Variants in EIF3E observed in about 807,000 individuals in gnomAD.
EIF3E encodes the protein eIF-3 p48.
Under a neutral mutation model 59.3 loss-of-function variants are expected in EIF3E, and 25 were observed. That is an observed-to-expected ratio of 0.42 (90% CI 0.31 to 0.59). The LOEUF is 0.59. Ranked by LOEUF, EIF3E falls within the 20% of genes least tolerant of loss-of-function variation. The pLI is 0.15. For synonymous variants in EIF3E, 176 were observed against 170.2 expected (o/e 1.03, Z -0.26); for missense variants, 317 against 534.3 (o/e 0.59, Z 4.01).
chr8:108,210,610 A>G (rs1201712863), intron 10 of EIF3E, among the ~76,000 whole-genome samples: 1 of 152,082 alleles, frequency 6.6e-6, no homozygotes, highest in Non-Finnish European at 1.5e-5. Flanking sequence ...TTTTTCTATT[A>G]TTATAGTTTA....
intron 3 of EIF3E, among the ~76,000 whole-genome samples, chr8:108,237,660 T>A (rs552440874): frequency 6.6e-6 from 1 of 152,348 alleles, no homozygotes; most frequent in South Asian, 2.1e-4. Flanking sequence ...AGCAGAGATA[T>A]GTCCCCATAA....
intron 7 of EIF3E, chr8:108,227,607 TA>T (rs1815539981): frequency 1.3e-5 from 2 of 152,158 alleles, no homozygotes; most frequent in South Asian, 4.1e-4. Flanking sequence ...TGTTACTTAA[TA>T]AAACTAGAGA....
At chr8:108,248,473 A>G in intron 1 of EIF3E, 140 bp downstream of exon 1, 1 of 748,012 alleles carries the variant, frequency 1.3e-6, no homozygotes, top group Non-Finnish European at 2.3e-6. Context: ...AAACTACCAG[A>G]AGATCCTTAG....
At chr8:108,209,246 G>T (rs984945292) in intron 10 of EIF3E, among the ~76,000 whole-genome samples, 7 of 151,972 alleles carry the variant, frequency 4.6e-5, no homozygotes, top group Non-Finnish European at 4.4e-5. Flanking sequence ...ACTAATTAAA[G>T]GCAAAAATAA....
At chr8:108,206,007 A>G (rs577813839) in intron 10 of EIF3E, among the ~76,000 whole-genome samples, 23 of 152,250 alleles carry the variant, frequency 1.5e-4, no homozygotes, top group African/African-American at 5.5e-4. Context: ...CCCCTTGGGT[A>G]AGGGGAGACT....
intron 7 of EIF3E, among the ~76,000 whole-genome samples, chr8:108,218,727 T>C (rs1815348363): frequency 1.3e-5 from 2 of 152,090 alleles, no homozygotes; most frequent in Non-Finnish European, 2.9e-5. Context: ...GAAAGCATGA[T>C]TGTTTCTCTT....
At chr8:108,221,157 A>C (rs1025774530) in intron 7 of EIF3E, among the ~76,000 whole-genome samples, 1 of 152,020 alleles carries the variant, frequency 6.6e-6, no homozygotes, top group Non-Finnish European at 1.5e-5. Flanking sequence ...CCCCTCAGAC[A>C]CTTAACTGAA....
chr8:108,202,926 T>C (rs1056693135), intron 12 of EIF3E, 57 bp downstream of exon 12: 4 of 1,527,876 alleles, frequency 2.6e-6, no homozygotes, highest in Admixed American at 4.1e-5. Flanking sequence ...TGAAACTTCA[T>C]GTAACAATTA....
intron 10 of EIF3E, among the ~76,000 whole-genome samples, chr8:108,212,087 A>G (rs1291922041): frequency 6.6e-6 from 1 of 152,210 alleles, no homozygotes; most frequent in African/African-American, 2.4e-5. Flanking sequence ...TTGAGCTTTA[A>G]ATTTCCTGGC....
chr8:108,238,578 C>G (rs1815780066), intron 3 of EIF3E, among the ~76,000 whole-genome samples: 1 of 152,124 alleles, frequency 6.6e-6, no homozygotes, highest in South Asian at 2.1e-4. Flanking sequence ...TTTCAATCTG[C>G]AGTTGGCTGA....
At position 108,216,366 on chromosome 8, in the gene EIF3E, A is replaced by G. The variant is rs1815306003; in HGVS notation, c.951+46T>C. 2.1e-6 allele frequency: 3 copies of G among 1,442,012 alleles called. No individual in the cohort carries two copies. The South Asian group carries it at 3.8e-5, about 18-fold the overall frequency. 89.3% of individuals were successfully genotyped at this position (1,442,012 alleles called of 1,614,324 possible). On this transcript the variant is annotated intron_variant, in intron 9 of 12. Transcript: ENST00000220849. ...TGCAAGATTAACGTTACAATATCCA[A>G]AAATTTAAGAATAGTATTAGTTTAT...
chr8:108,205,449 T>C (rs1815082292), intron 10 of EIF3E, among the ~76,000 whole-genome samples: 2 of 152,154 alleles, frequency 1.3e-5, no homozygotes, highest in South Asian at 4.1e-4. Context: ...ACAATCTATC[T>C]TACACATCTG....
chr8:108,204,130 G>T (rs1179130663), intron 10 of EIF3E, among the ~76,000 whole-genome samples: 1 of 151,948 alleles, frequency 6.6e-6, no homozygotes, highest in African/African-American at 2.4e-5. Context: ...TTGGCATCCA[G>T]GAGGGTCCTA....
At position 108,236,937 on chromosome 8, in the gene EIF3E, G is replaced by A. The variant is rs561053602; in HGVS notation, c.324-734C>T. On this transcript the variant is annotated intron_variant, in intron 3 of 12. Coordinates refer to ENST00000220849, the MANE Select transcript of EIF3E (RefSeq NM_001568.3). ...CTTGGGAGGCTGAGGCAGGAGAATC[G>A]CTTGAACCTGGGAGGTGGAGGTTGC... Among the ~76,000 whole-genome samples, 13 of 152,010 alleles carry A rather than the reference G, an allele frequency of 8.6e-5. No homozygotes were observed. The East Asian group carries it at 9.8e-4, about 11-fold the overall frequency.
chr8:108,209,520 T>C (rs1224228568), intron 10 of EIF3E, among the ~76,000 whole-genome samples: 1 of 152,112 alleles, frequency 6.6e-6, no homozygotes, highest in African/African-American at 2.4e-5. Context: ...TTATATTTAT[T>C]TGTCCACTTA....
intron 10 of EIF3E, among the ~76,000 whole-genome samples, chr8:108,206,848 T>A (rs537362085): frequency 1.3e-5 from 2 of 152,228 alleles, no homozygotes; most frequent in Non-Finnish European, 2.9e-5. Context: ...TAACTAGAAT[T>A]CTCTATCCCT....
Position 108,203,514 on chromosome 8 carries a change from A to G in EIF3E, c.1062-11T>C. 1.2e-6 allele frequency: 2 copies of G among 1,609,506 alleles called. No homozygotes were observed. Among genetic ancestry groups the G allele is most frequent in the Non-Finnish European group, 1.7e-6 (2 of 1,176,310 alleles). On this transcript the variant is annotated splice_polypyrimidine_tract_variant and intron_variant, in intron 10 of 12. Transcript: ENST00000220849. ...TTATCTGCCAACATGCTAATGAAAA[A>G]GTAAAAACAGCAATGTTAATTAACT...
chr8:108,208,083 C>T lies in EIF3E; in HGVS notation c.1062-4580G>A, dbSNP rs1586191157. On this transcript the variant is annotated intron_variant, in intron 10 of 12. Coordinates refer to ENST00000220849, the MANE Select transcript of EIF3E (RefSeq NM_001568.3). ...AGATTTTCTATCAGGTTTTGAGTGC[C>T]TAATCTTTCAAATGGTCTTACTTTT... Among the ~76,000 whole-genome samples, 9 of 152,160 alleles carry T rather than the reference C, an allele frequency of 5.9e-5. No individual in the cohort carries two copies. The South Asian group carries it at 1.9e-3, about 32-fold the overall frequency.
chr8:108,240,627 G>GAA (rs1815816514), intron 2 of EIF3E, among the ~76,000 whole-genome samples: 1 of 152,118 alleles, frequency 6.6e-6, no homozygotes, highest in Admixed American at 6.5e-5. Context: ...ACTATACTAT[G>GAA]AAAAGGTGGA....
Sources: allele counts gnomAD v4.1 joint callset (sites outside exome capture counted in the v4.1 genomes callset), GRCh38; gene constraint gnomAD v4.1.1; transcripts MANE v1.5; gene names NCBI Gene and HGNC (gene_info 2026-07-23, HGNC 2026-07-21).